Variants in WDR33 observed in about 807,000 individuals in gnomAD.
WDR33 encodes the protein pre-mRNA 3' end processing protein WDR33.
In WDR33, 47 loss-of-function variants were observed where a neutral mutation model predicts 164.9. The ratio of observed to expected loss-of-function variants is 0.29; its 90% confidence interval spans 0.23 to 0.36. WDR33 has a LOEUF of 0.36. WDR33 is among the 10% of genes least tolerant of loss of function. The pLI is 1.00. For synonymous variants in WDR33, 505 were observed against 589.0 expected (o/e 0.86, Z 2.06); for missense variants, 1,137 against 1,754.1 (o/e 0.65, Z 6.28).
rs112341522 is a variant in WDR33 at position 127,713,884 on chromosome 2, G to C, written c.3007C>G (p.Arg1003Gly). The C allele has an allele frequency of 6.2e-7, 1 of 1,614,174 alleles. No individual in the cohort carries two copies. Among genetic ancestry groups the C allele is most frequent in the East Asian group, 2.2e-5 (1 of 44,880 alleles). The change falls in exon 18 of 22, where the codon CGT (arginine) becomes GGT (glycine). Residue 1003 changes from arginine (R) to glycine (G), a missense_variant. Transcript: ENST00000322313. The surrounding 1 kb of genome is among the most constrained non-coding windows in gnomAD (Gnocchi z 6.2). The stretch of plus-strand genomic sequence containing the variant: ...TCGGGGAAGTCTGGGTGAGGGCCAC[G>C]CCTATCAGGGGGACCCCTGCAGTCC... ...GQDCRGPPDR[R>G]GPHPDFPDDF...
intron 1 of WDR33, among the ~76,000 whole-genome samples, chr2:127,794,970 C>A (rs1688981396): frequency 6.6e-6 from 1 of 151,534 alleles, no homozygotes; most frequent in African/African-American, 2.4e-5. Flanking sequence ...TCCTGAGCAA[C>A]ATGATAAGAC....
chr2:127,705,786 A>C lies in WDR33; in HGVS notation c.*537T>G, dbSNP rs542314271. The C allele has an allele frequency of 4.7e-4, 72 of 152,596 alleles. No individual in the cohort carries two copies. The highest frequency in any genetic ancestry group is 1.7e-3 in the African/African-American group (69 of 41,600). The allele number at this position is 152,596 out of a possible 1,614,324, so 9.5% of individuals were successfully genotyped here. A position where few individuals can be genotyped will look rare whatever the true frequency, so the allele number is the denominator to read the frequency against. On this transcript the variant is annotated 3_prime_UTR_variant, in exon 22 of 22. Coordinates refer to ENST00000322313, the MANE Select transcript of WDR33 (RefSeq NM_018383.5). The surrounding 1 kb of genome is among the most constrained non-coding windows in gnomAD (Gnocchi z 4.5). ...ATGTGTTGAAAAACACAAAGTTCAC[A>C]GCTGAGATTAATTTAGATAACCTAG...
chr2:127,733,181 C>A (rs1360245382), intron 7 of WDR33, among the ~76,000 whole-genome samples: 1 of 152,128 alleles, frequency 6.6e-6, no homozygotes, highest in African/African-American at 2.4e-5. Flanking sequence ...AATTAAACTT[C>A]TCAGAATCAA....
intron 1 of WDR33, among the ~76,000 whole-genome samples, chr2:127,796,769 A>G (rs1399940914): frequency 6.6e-6 from 1 of 151,966 alleles, no homozygotes; most frequent in African/African-American, 2.4e-5. Flanking sequence ...ATGTCTTTGT[A>G]TTTCGGTCTC....
chr2:127,732,794 G>A (rs995347745), intron 7 of WDR33, among the ~76,000 whole-genome samples: 8 of 152,208 alleles, frequency 5.3e-5, no homozygotes, highest in Non-Finnish European at 7.4e-5. Flanking sequence ...GAGGCAAACC[G>A]TACATAGAAA....
At chr2:127,725,340 T>A in intron 8 of WDR33, 125 bp from the exon 9 acceptor site, 3 of 904,478 alleles carry the variant, frequency 3.3e-6, no homozygotes, top group Non-Finnish European at 4.9e-6. Context: ...ATAAAGCCTG[T>A]AACATTAAAG....
intron 1 of WDR33, among the ~76,000 whole-genome samples, chr2:127,792,713 T>A (rs941545522): frequency 9.9e-5 from 15 of 151,698 alleles, no homozygotes; most frequent in Non-Finnish European, 2.1e-4. Flanking sequence ...AAATAAATCA[T>A]GAGAGATAGT....
Position 127,704,111 on chromosome 2 carries a change from G to A in WDR33, c.*2212C>T, listed in dbSNP as rs745505552. 6 of 166,538 alleles carry A rather than the reference G, an allele frequency of 3.6e-5. No individual in the cohort carries two copies. The highest frequency in any genetic ancestry group is 8.8e-5 in the Non-Finnish European group (6 of 68,076). 10.3% of individuals were successfully genotyped at this position (166,538 alleles called of 1,614,324 possible). ...TGCACCACAGCCTAGGCAACAGCGA[G>A]ACCTTGTCTCAAAAATTTTTTCTCA... On this transcript the variant is annotated 3_prime_UTR_variant, in exon 22 of 22. Coordinates refer to ENST00000322313, the MANE Select transcript of WDR33 (RefSeq NM_018383.5).
intron 1 of WDR33, among the ~76,000 whole-genome samples, chr2:127,792,299 T>C (rs1226461337): frequency 6.6e-6 from 1 of 152,048 alleles, no homozygotes; most frequent in Non-Finnish European, 1.5e-5. Context: ...AACTCACCAC[T>C]GCCTTACAGA....
At chr2:127,745,211 C>T (rs2105407259) in intron 7 of WDR33, among the ~76,000 whole-genome samples, 1 of 152,196 alleles carries the variant, frequency 6.6e-6, no homozygotes, top group East Asian at 1.9e-4. Context: ...AATGTACGAC[C>T]CAGAGTTTAT....
At position 127,809,403 on chromosome 2, in the gene WDR33, A is replaced by G. The variant is rs141443470; in HGVS notation, c.-24+1609T>C. 1.8e-4 allele frequency among the ~76,000 whole-genome samples: 27 copies of G among 147,592 alleles called. No homozygotes were observed. The East Asian group carries it at 5.1e-3, about 28-fold the overall frequency. ...ATAAACATTTATTTTTGTCTAAACC[A>G]TTGTAATATATGTAAGCCAAATTCC... On this transcript the variant is annotated intron_variant, in intron 1 of 21. Transcript: ENST00000322313.
chr2:127,726,386 C>A lies in WDR33; in HGVS notation c.851+265G>T, dbSNP rs1347142561. ...ACAGGCAATAGGCTAGAATAGTAAC[C>A]ACCTCCCTCCTCATCCTCCTCCCCA... On this transcript the variant is annotated intron_variant, in intron 8 of 21. Coordinates refer to ENST00000322313, the MANE Select transcript of WDR33 (RefSeq NM_018383.5). This position sits in a 1 kb window ranked among gnomAD's most constrained non-coding sequence, Gnocchi z 4.8. 6.6e-6 allele frequency among the ~76,000 whole-genome samples: 1 copy of A among 152,112 alleles called. No homozygotes were observed. The highest frequency in any genetic ancestry group is 1.9e-4 in the East Asian group (1 of 5,194).
chr2:127,803,030 C>G (rs533389003), intron 1 of WDR33, among the ~76,000 whole-genome samples: 1 of 151,868 alleles, frequency 6.6e-6, no homozygotes, highest in East Asian at 1.9e-4. Context: ...AAAGCAAACC[C>G]TAATAATGAA....
At chr2:127,766,510 T>G (rs1165049128) in intron 4 of WDR33, among the ~76,000 whole-genome samples, 2 of 152,178 alleles carry the variant, frequency 1.3e-5, no homozygotes, top group African/African-American at 4.8e-5. Context: ...CCACAGTCTT[T>G]ATACCTTAAT....
chr2:127,797,061 A>G (rs757226551), intron 1 of WDR33, among the ~76,000 whole-genome samples: 8 of 152,050 alleles, frequency 5.3e-5, no homozygotes, highest in Non-Finnish European at 1.2e-4. Context: ...ATGTCCATGA[A>G]TGATCACCAT....
chr2:127,768,314 G>T (rs1193312118), intron 3 of WDR33, 21 bp from the exon 4 acceptor site: 7 of 1,459,776 alleles, frequency 4.8e-6, no homozygotes, highest in Non-Finnish European at 6.5e-6. Context: ...GGAAAATTGG[G>T]TTCTTAGAGC....
chr2:127,737,492 A>G (rs987277733), intron 7 of WDR33: 11 of 986,308 alleles, frequency 1.1e-5, no homozygotes, highest in Non-Finnish European at 1.3e-5. Context: ...CATCACTTGA[A>G]AAGCTAGAAA....
In WDR33 at chr2:127,711,767, TATA is replaced by T. The variant is rs1558919328; in HGVS notation, c.3308+1813_3308+1815del. Reference sequence around the variant, plus strand: ...ACATATACAGATATATATATATATATATATATATATATATTTTTTTTTTGAGAC... The same window carrying T: ...ACATATACAGATATATATATATATATTATATATATATTTTTTTTTTGAGAC... On this transcript the variant is annotated intron_variant, in intron 18 of 21. Coordinates refer to ENST00000322313, the MANE Select transcript of WDR33 (RefSeq NM_018383.5). Among the ~76,000 whole-genome samples, 43 of 90,284 alleles carry T rather than the reference TATA, an allele frequency of 4.8e-4. 2 individuals carry two copies. Among genetic ancestry groups the T allele is most frequent in the African/African-American group, 3.2e-3 (40 of 12,506 alleles). The allele number at this position is 90,284 out of a possible 152,430, so 59.2% of individuals were successfully genotyped here. A position where few individuals can be genotyped will look rare whatever the true frequency, so the allele number is the denominator to read the frequency against.
At chr2:127,802,167 C>CAAAA (rs557960851) in intron 1 of WDR33, among the ~76,000 whole-genome samples, 2 of 125,032 alleles carry the variant, frequency 1.6e-5, no homozygotes, top group Non-Finnish European at 3.4e-5. Context: ...GACTCCGACT[C>CAAAA]AAAAAAAAAA....
Sources: gnomAD v4.1 joint callset for allele counts (sites outside exome capture counted in the v4.1 genomes callset) on GRCh38, gnomAD v4.1.1 for gene constraint, Gnocchi (gnomAD v3.1) non-coding constraint, MANE v1.5 for transcripts, NCBI Gene and HGNC (gene_info 2026-07-23, HGNC 2026-07-21) for gene names.